Variants in RFTN1 observed in about 807,000 individuals in gnomAD.
The protein encoded by RFTN1 is raftlin.
RFTN1 carries 26 observed loss-of-function variants against 46.5 expected under a neutral mutation model. The observed-to-expected ratio is 0.56, with a 90% CI of 0.41 to 0.78. RFTN1 has a LOEUF of 0.78. Ranked by LOEUF, RFTN1 falls within the 30% of genes least tolerant of loss-of-function variation. The probability of loss-of-function intolerance (pLI) is 0.00; values close to 1 mark genes in which losing one functional copy is unlikely to be tolerated. For synonymous variants in RFTN1, 261 were observed against 284.2 expected (o/e 0.92, Z 0.82); for missense variants, 693 against 718.7 (o/e 0.96, Z 0.41).
At chr3:16,435,711 T>C (rs1279817816) in intron 2 of RFTN1, among the ~76,000 whole-genome samples, 3 of 152,174 alleles carry the variant, frequency 2.0e-5, no homozygotes, top group Non-Finnish European at 2.9e-5. Flanking sequence ...CTCTTACAAG[T>C]AATCTTTTAG....
chr3:16,416,732 T>C (rs2075088450), intron 3 of RFTN1, among the ~76,000 whole-genome samples: 1 of 152,184 alleles, frequency 6.6e-6, no homozygotes, highest in Admixed American at 6.5e-5. Context: ...ATGTAGACTC[T>C]TGTATTCTAA....
rs758106041 is a variant in RFTN1 at position 16,338,869 on chromosome 3, T to C, written c.1147-11993A>G. Among the ~76,000 whole-genome samples the C allele has an allele frequency of 5.3e-5, 8 of 152,238 alleles. No individual in the cohort carries two copies. Among genetic ancestry groups the C allele is most frequent in the Non-Finnish European group, 8.8e-5 (6 of 68,036 alleles). On this transcript the variant is annotated intron_variant, in intron 7 of 9. Transcript: ENST00000334133. This position sits in a 1 kb window ranked among gnomAD's most constrained non-coding sequence, Gnocchi z 5.3. ...TGGGGACCTGGGGAGAGAGCCAGTC[T>C]GTCTGCAGGAATTCTAGAACCCAAA...
Position 16,378,158 on chromosome 3 carries a change from A to T in RFTN1, c.442-56T>A. The T allele has an allele frequency of 3.4e-6, 5 of 1,491,480 alleles. No homozygotes were observed. The South Asian group carries it at 6.0e-5, about 18-fold the overall frequency. 92.4% of individuals were successfully genotyped at this position (1,491,480 alleles called of 1,614,324 possible). A position where few individuals can be genotyped will look rare whatever the true frequency, so the allele number is the denominator to read the frequency against. On this transcript the variant is annotated intron_variant, in intron 4 of 9. Coordinates refer to ENST00000334133, the MANE Select transcript of RFTN1 (RefSeq NM_015150.2). Reference sequence around the variant, plus strand: ...GTGAATGAAATGGTCTATCAAAGGGACACGTGCAGCGTGCAAAGCGCCTCC... The same window carrying T: ...GTGAATGAAATGGTCTATCAAAGGGTCACGTGCAGCGTGCAAAGCGCCTCC...
In RFTN1 at chr3:16,421,083, C is replaced by G. The variant is rs2075174460; in HGVS notation, c.333-11600G>C. Reference sequence around the variant, plus strand: ...GCCAGAAAAAAATTCCTGAGTACCACTGTACTAACATCTTACATATGTTAT... The same window carrying G: ...GCCAGAAAAAAATTCCTGAGTACCAGTGTACTAACATCTTACATATGTTAT... On this transcript the variant is annotated intron_variant, in intron 3 of 9. Coordinates refer to ENST00000334133, the MANE Select transcript of RFTN1 (RefSeq NM_015150.2). The surrounding 1 kb of genome is among the most constrained non-coding windows in gnomAD (Gnocchi z 4.6). Among the ~76,000 whole-genome samples, 1 of 152,302 alleles carries G rather than the reference C, an allele frequency of 6.6e-6. No homozygotes were observed. The highest frequency in any genetic ancestry group is 3.4e-3 in the Middle Eastern group (1 of 294).
At chr3:16,363,802 G>T (rs1035804000) in intron 6 of RFTN1, among the ~76,000 whole-genome samples, 1 of 151,864 alleles carries the variant, frequency 6.6e-6, no homozygotes, top group Non-Finnish European at 1.5e-5. Context: ...CTCTGAGGGC[G>T]CCTTCTCTCC....
chr3:16,371,488 T>C (rs1480659845), intron 5 of RFTN1, among the ~76,000 whole-genome samples: 1 of 152,256 alleles, frequency 6.6e-6, no homozygotes, highest in Non-Finnish European at 1.5e-5. Context: ...GGGGTAATGA[T>C]GAAGCACATT....
intron 1 of RFTN1, among the ~76,000 whole-genome samples, chr3:16,502,489 T>A (rs1377442610): frequency 6.6e-6 from 1 of 152,162 alleles, no homozygotes; most frequent in Non-Finnish European, 1.5e-5. Context: ...CACACCCTTG[T>A]GTGGTCCCCT....
Position 16,336,809 on chromosome 3 carries a change from G to A in RFTN1, c.1147-9933C>T, listed in dbSNP as rs937524036. Among the ~76,000 whole-genome samples the A allele has an allele frequency of 2.6e-5, 4 of 152,104 alleles. No individual in the cohort carries two copies. The highest frequency in any genetic ancestry group is 9.7e-5 in the African/African-American group (4 of 41,394). On this transcript the variant is annotated intron_variant, in intron 7 of 9. Transcript: ENST00000334133. The surrounding 1 kb of genome is among the most constrained non-coding windows in gnomAD (Gnocchi z 6.0). Reference sequence around the variant, plus strand: ...ATCTTTGTCTCATTTTCTCTACCAGGTAAGAAAGGCAGCAAACTCAGTAGC... The same window carrying A: ...ATCTTTGTCTCATTTTCTCTACCAGATAAGAAAGGCAGCAAACTCAGTAGC...
chr3:16,440,354 A>C lies in RFTN1; in HGVS notation c.146-6317T>G, dbSNP rs1381002918. Among the ~76,000 whole-genome samples, 1 of 152,148 alleles carries C rather than the reference A, an allele frequency of 6.6e-6. No homozygotes were observed. The highest frequency in any genetic ancestry group is 1.5e-5 in the Non-Finnish European group (1 of 68,024). On this transcript the variant is annotated intron_variant, in intron 2 of 9. Coordinates refer to ENST00000334133, the MANE Select transcript of RFTN1 (RefSeq NM_015150.2). The surrounding 1 kb of genome is among the most constrained non-coding windows in gnomAD (Gnocchi z 4.6). The stretch of plus-strand genomic sequence containing the variant: ...TGAGTAGCTGGGACTACAGGTGTGC[A>C]CCAACATGCTCAGCTAATTTTTGTA...
chr3:16,483,181 A>G lies in RFTN1; in HGVS notation c.145+10544T>C, dbSNP rs2076395741. On this transcript the variant is annotated intron_variant, in intron 2 of 9. Coordinates refer to ENST00000334133, the MANE Select transcript of RFTN1 (RefSeq NM_015150.2). This position sits in a 1 kb window ranked among gnomAD's most constrained non-coding sequence, Gnocchi z 4.8. ...CAGAGAGGTAATAAATACCTCATTA[A>G]GGAAAGGCAAAACAAACACTTCAGA... Among the ~76,000 whole-genome samples, 2 of 152,230 alleles carry G rather than the reference A, an allele frequency of 1.3e-5. No individual in the cohort carries two copies. The highest frequency in any genetic ancestry group is 4.8e-5 in the African/African-American group (2 of 41,456).
In RFTN1 at chr3:16,342,519, A is replaced by C. The variant is rs1462251700; in HGVS notation, c.1146+15413T>G. Reference sequence around the variant, plus strand: ...AATGTACATAGGTCTTTATGTGGACATATGTTTTCATTTCTCTTAAATATA... The same window carrying C: ...AATGTACATAGGTCTTTATGTGGACCTATGTTTTCATTTCTCTTAAATATA... On this transcript the variant is annotated intron_variant, in intron 7 of 9. Transcript: ENST00000334133. This position sits in a 1 kb window ranked among gnomAD's most constrained non-coding sequence, Gnocchi z 4.0. Among the ~76,000 whole-genome samples, 2 of 152,154 alleles carry C rather than the reference A, an allele frequency of 1.3e-5. No homozygotes were observed. Among genetic ancestry groups the C allele is most frequent in the Non-Finnish European group, 2.9e-5 (2 of 68,036 alleles).
chr3:16,432,372 G>C (rs2075405069), intron 3 of RFTN1, among the ~76,000 whole-genome samples: 1 of 152,126 alleles, frequency 6.6e-6, no homozygotes, highest in Admixed American at 6.5e-5. Flanking sequence ...AAAAAAATTA[G>C]CCAGGCATGG....
At chr3:16,379,751 A>C (rs191206714) in intron 4 of RFTN1, among the ~76,000 whole-genome samples, 96 of 152,346 alleles carry the variant, frequency 6.3e-4, no homozygotes, top group Admixed American at 2.4e-3. Flanking sequence ...CCATTCTGAA[A>C]ATTTTTTCCC....
At chr3:16,332,079 A>G (rs1053461553) in intron 7 of RFTN1, among the ~76,000 whole-genome samples, 2 of 151,962 alleles carry the variant, frequency 1.3e-5, no homozygotes, top group Non-Finnish European at 2.9e-5. Context: ...TTTCATGACA[A>G]TGTGCTTTGG....
chr3:16,362,040 C>G (rs764747431), intron 6 of RFTN1, among the ~76,000 whole-genome samples: 3 of 152,210 alleles, frequency 2.0e-5, no homozygotes, highest in Admixed American at 1.3e-4. Context: ...CTGACTGACA[C>G]AATGCACAAC....
rs568477943 is a variant in RFTN1 at position 16,442,482 on chromosome 3, A to G, written c.146-8445T>C. ...TTTTTGTTGTGTATATTCAAGGTGT[A>G]CAACATGATGCCTCAATGTATATAT... On this transcript the variant is annotated intron_variant, in intron 2 of 9. Transcript: ENST00000334133. This position sits in a 1 kb window ranked among gnomAD's most constrained non-coding sequence, Gnocchi z 4.1. Among the ~76,000 whole-genome samples the G allele has an allele frequency of 3.2e-4, 49 of 152,304 alleles. No individual in the cohort carries two copies. The South Asian group carries it at 1.0e-2, about 31-fold the overall frequency.
intron 4 of RFTN1, among the ~76,000 whole-genome samples, chr3:16,390,401 A>G (rs1023822040): frequency 5.3e-5 from 8 of 152,228 alleles, no homozygotes; most frequent in Non-Finnish European, 1.0e-4. Flanking sequence ...TTTAATAAAG[A>G]GGTAAGAGCA....
chr3:16,420,726 T>C (rs1310766268), intron 3 of RFTN1, among the ~76,000 whole-genome samples: 5 of 152,248 alleles, frequency 3.3e-5, no homozygotes, highest in South Asian at 2.1e-4. Context: ...AACTGAAGAA[T>C]TGAATTTTTA....
intron 2 of RFTN1, chr3:16,454,709 T>C (rs567945893): frequency 4.2e-6 from 4 of 957,678 alleles, no homozygotes; most frequent in East Asian, 1.2e-4. Flanking sequence ...CAACTCTTTC[T>C]AGAAGAGACT....
Sources: gnomAD v4.1 joint callset for allele counts (sites outside exome capture counted in the v4.1 genomes callset) on GRCh38, gnomAD v4.1.1 for gene constraint, Gnocchi (gnomAD v3.1) non-coding constraint, MANE v1.5 for transcripts, NCBI Gene and HGNC (gene_info 2026-07-23, HGNC 2026-07-21) for gene names.